CFAP52: variants seen among roughly 807,000 people sequenced by gnomAD.
The protein encoded by CFAP52 is cilia and flagella associated protein 52, also known as cilia- and flagella-associated protein 52.
CFAP52 carries 57 observed loss-of-function variants against 70.5 expected under a neutral mutation model. The observed-to-expected ratio is 0.81, with a 90% CI of 0.65 to 1.01. The LOEUF (loss-of-function observed/expected upper bound fraction) is 1.01, where lower values mean the gene tolerates loss of function less well. Ranked by LOEUF, CFAP52 falls within the 50% of genes least tolerant of loss-of-function variation. CFAP52 has a pLI of 0.00. For synonymous variants in CFAP52, 267 were observed against 292.5 expected (o/e 0.91, Z 0.89); for missense variants, 785 against 788.5 (o/e 1.00, Z 0.05).
chr17:9,625,451 C>T (rs1308617359), intron 8 of CFAP52, among the ~76,000 whole-genome samples: 1 of 151,120 alleles, frequency 6.6e-6, no homozygotes, highest in Non-Finnish European at 1.5e-5. Flanking sequence ...AATTTAGCTA[C>T]CCAACAGAGA....
At chr17:9,628,869 G>A (rs201932551) in intron 9 of CFAP52, 49 bp downstream of exon 9, 1 of 1,610,478 alleles carries the variant, frequency 6.2e-7, no homozygotes, top group South Asian at 1.1e-5. Flanking sequence ...CTGCGGTTTT[G>A]ATTCTTGTCA....
At chr17:9,636,180 AAAGAAAG>A (rs1567637078) in intron 11 of CFAP52, among the ~76,000 whole-genome samples, 6 of 24,620 alleles carry the variant, frequency 2.4e-4, no homozygotes. Flanking sequence ...GTCTCAAAAA[AAAGAAAG>A]AAAGAAAGAA....
intron 6 of CFAP52, among the ~76,000 whole-genome samples, chr17:9,605,105 G>T (rs1051005821): frequency 6.6e-6 from 1 of 152,130 alleles, no homozygotes. Context: ...TTTACCCAAA[G>T]GAGCTGAAAA....
downstream of CFAP52, among the ~76,000 whole-genome samples, chr17:9,643,963 G>A (rs750803769): frequency 5.8e-4 from 89 of 152,286 alleles, no homozygotes; most frequent in Middle Eastern, 3.4e-3. Flanking sequence ...CCAGAGAGGG[G>A]TAAATAATGG....
At chr17:9,598,428 A>T in intron 5 of CFAP52, 95 bp downstream of exon 5, 1 of 1,027,424 alleles carries the variant, frequency 9.7e-7, no homozygotes, top group Non-Finnish European at 1.4e-6. Context: ...GGGGCTGGGG[A>T]TAGGAAAGTG....
chr17:9,581,230 T>A (rs1425499901), intron 1 of CFAP52, among the ~76,000 whole-genome samples: 1 of 152,178 alleles, frequency 6.6e-6, no homozygotes, highest in Non-Finnish European at 1.5e-5. Flanking sequence ...GGCAGGAGAA[T>A]GGCGTGAACC....
At chr17:9,609,379 A>G (rs919033562) in intron 7 of CFAP52, among the ~76,000 whole-genome samples, 1 of 152,192 alleles carries the variant, frequency 6.6e-6, no homozygotes, top group Non-Finnish European at 1.5e-5. Flanking sequence ...TAGGATGCAG[A>G]GTAAGGGGAT....
At chr17:9,587,595 T>C (rs545703911) in intron 3 of CFAP52, among the ~76,000 whole-genome samples, 79 of 152,358 alleles carry the variant, frequency 5.2e-4, no homozygotes, top group Non-Finnish European at 5.6e-4. Flanking sequence ...TCATTGTGGT[T>C]TTACTTTGCA....
intron 12 of CFAP52, 141 bp downstream of exon 12, chr17:9,638,852 A>AAAGG: frequency 1.4e-6 from 1 of 737,910 alleles, no homozygotes; most frequent in East Asian, 2.7e-5. Flanking sequence ...GCCACTTTGG[A>AAAGG]AAGGCCATAT....
At chr17:9,622,552 A>AAGAAGAAGAAGAAGAAG (rs113311384) in intron 8 of CFAP52, among the ~76,000 whole-genome samples, 2 of 151,376 alleles carry the variant, frequency 1.3e-5, no homozygotes, top group Admixed American at 6.6e-5. Flanking sequence ...ATTAAAAAAA[A>AAGAAGAAGAAGAAGAAG]AAGAAGAAGA....
At chr17:9,642,484 C>T (rs754541732) in intron 13 of CFAP52, among the ~76,000 whole-genome samples, 12 of 152,076 alleles carry the variant, frequency 7.9e-5, no homozygotes, top group Non-Finnish European at 1.6e-4. Flanking sequence ...ATTAGCCGGG[C>T]GTGGTGGTGC....
intron 6 of CFAP52, among the ~76,000 whole-genome samples, chr17:9,601,377 GT>G (rs1567625876): frequency 6.6e-6 from 1 of 151,866 alleles, no homozygotes. Context: ...AAACCTGCAC[GT>G]TGTGCACATG....
At chr17:9,616,150 C>T (rs1017343898) in intron 8 of CFAP52, among the ~76,000 whole-genome samples, 16 of 141,960 alleles carry the variant, frequency 1.1e-4, no homozygotes, top group African/African-American at 4.3e-4. Flanking sequence ...GCGCACCGTG[C>T]GCGAGCCGAA....
chr17:9,586,948 G>A (rs1908520809), intron 3 of CFAP52, 114 bp downstream of exon 3: 2 of 1,270,894 alleles, frequency 1.6e-6, no homozygotes, highest in African/African-American at 1.5e-5. Flanking sequence ...CGGGTTTGTT[G>A]TACAGATTAT....
chr17:9,645,356 G>A, downstream of CFAP52: 1 of 242,216 alleles, frequency 4.1e-6, no homozygotes. The surrounding 1 kb of genome is among the most constrained non-coding windows in gnomAD (Gnocchi z 6.8). Flanking sequence ...AGGAAGGGTG[G>A]GGAATCCGAC....
chr17:9,582,537 G>A (rs746315199), intron 1 of CFAP52, among the ~76,000 whole-genome samples: 7 of 152,116 alleles, frequency 4.6e-5, no homozygotes, highest in Non-Finnish European at 8.8e-5. Flanking sequence ...GGAGTTCTTC[G>A]TATATTATGG....
At chr17:9,609,990 GGA>G (rs137875006) in intron 7 of CFAP52, among the ~76,000 whole-genome samples, 45 of 148,542 alleles carry the variant, frequency 3.0e-4, no homozygotes, top group Non-Finnish European at 4.3e-4. Flanking sequence ...TCTGATTTCT[GGA>G]GAGAGAGAGA....
rs767626504 is a variant in CFAP52 at position 9,594,277 on chromosome 17, G to A, written c.492G>A (p.Val164=). Residue 164 remains valine (V), a synonymous_variant, in exon 4 of 14, where the codon GTG becomes GTA. Transcript: ENST00000352665. ...TCAATGTTGGCAATGCCACCAATGT[G>A]ATCTTCTCCAGGTGCCGGGATGAGA... ...AGLNVGNATN[V]IFSRCRDEMF... The A allele has an allele frequency of 2.5e-6, 4 of 1,613,982 alleles. 1 individual carries two copies. In the Admixed American group the frequency reaches 6.7e-5, roughly 27 times the overall value.
At chr17:9,581,842 C>A (rs1478460347) in intron 1 of CFAP52, among the ~76,000 whole-genome samples, 1 of 152,210 alleles carries the variant, frequency 6.6e-6, no homozygotes, top group Non-Finnish European at 1.5e-5. Flanking sequence ...ATCAGACATT[C>A]CCACTCCGCA....
Sources: allele counts gnomAD v4.1 joint callset (sites outside exome capture counted in the v4.1 genomes callset), GRCh38; gene constraint gnomAD v4.1.1; non-coding constraint Gnocchi (gnomAD v3.1); transcripts MANE v1.5; gene names NCBI Gene and HGNC (gene_info 2026-07-23, HGNC 2026-07-21).